Variants in PTPRD observed in about 807,000 individuals in gnomAD.
PTPRD encodes the protein protein tyrosine phosphatase receptor type D.
A neutral mutation model predicts 214.5 loss-of-function variants in PTPRD; 34 were observed. That is an observed-to-expected ratio of 0.16 (90% CI 0.12 to 0.21). The LOEUF (loss-of-function observed/expected upper bound fraction) is 0.21. Ranked by LOEUF, PTPRD falls within the 10% of genes least tolerant of loss-of-function variation. The pLI is 1.00. For synonymous variants in PTPRD, 1,128 were observed against 845.7 expected (o/e 1.33, Z -5.79); for missense variants, 2,545 against 2,398.7 (o/e 1.06, Z -1.27).
chr9:9,091,107 G>GCTACATTA (rs1430288596), intron 10 of PTPRD: 1 of 1,411,596 alleles, frequency 7.1e-7, no homozygotes, highest in Non-Finnish European at 9.9e-7. Context: ...TGTATGTGAA[G>GCTACATTA]CTACATTACT....
chr9:10,275,030 A>G (rs1323501), intron 3 of PTPRD, among the ~76,000 whole-genome samples: 130,782 of 152,080 alleles, frequency 0.86, 56,288 homozygotes, highest in East Asian at 0.96. Context: ...CAGTTAAGTA[A>G]AAGGGCTTGG....
intron 3 of PTPRD, among the ~76,000 whole-genome samples, chr9:10,040,693 T>C (rs998598257): frequency 1.3e-5 from 2 of 151,986 alleles, no homozygotes; most frequent in African/African-American, 4.8e-5. Context: ...TTTTCTTCCC[T>C]AGCAAGAAAA....
chr9:10,354,935 T>A (rs552465182), intron 2 of PTPRD, among the ~76,000 whole-genome samples: 1 of 152,344 alleles, frequency 6.6e-6, no homozygotes, highest in African/African-American at 2.4e-5. Flanking sequence ...TTGTCCTTGA[T>A]GAAAATATGC....
chr9:10,367,830 T>C (rs192317877), intron 2 of PTPRD, among the ~76,000 whole-genome samples: 303 of 152,250 alleles, frequency 2.0e-3, no homozygotes, highest in African/African-American at 6.0e-3. Context: ...TTGGAACTTG[T>C]AGGAAAGTAC....
At chr9:8,524,805 C>A (rs368094834) in intron 18 of PTPRD, 120 bp downstream of exon 18, 5 of 838,632 alleles carry the variant, frequency 6.0e-6, no homozygotes, top group African/African-American at 3.3e-5. Flanking sequence ...CATGTTTCAG[C>A]TACGGTCACT....
At chr9:9,444,109 T>C (rs546166846) in intron 8 of PTPRD, among the ~76,000 whole-genome samples, 35 of 152,192 alleles carry the variant, frequency 2.3e-4, no homozygotes, top group Non-Finnish European at 4.9e-4. Flanking sequence ...AACTTGAATT[T>C]ATTAAATTTT....
At chr9:10,387,144 T>G (rs1320472154) in intron 2 of PTPRD, among the ~76,000 whole-genome samples, 1 of 151,816 alleles carries the variant, frequency 6.6e-6, no homozygotes, top group African/African-American at 2.4e-5. Context: ...AGCCCAGTGA[T>G]TCCCATTGCT....
intron 11 of PTPRD, among the ~76,000 whole-genome samples, chr9:8,755,529 C>CAAA (rs1555277291): frequency 3.4e-5 from 3 of 88,520 alleles, no homozygotes; most frequent in Non-Finnish European, 5.5e-5. Flanking sequence ...AACTCTGTCT[C>CAAA]AAAAAAAAAA....
intron 2 of PTPRD, among the ~76,000 whole-genome samples, chr9:10,377,290 T>C (rs2097750305): frequency 6.6e-6 from 1 of 151,224 alleles, no homozygotes; most frequent in African/African-American, 2.4e-5. Flanking sequence ...ACATTTTCTT[T>C]TATTATTATT....
At chr9:10,434,880 T>A (rs1233949465) in intron 2 of PTPRD, among the ~76,000 whole-genome samples, 1 of 151,878 alleles carries the variant, frequency 6.6e-6, no homozygotes, top group African/African-American at 2.4e-5. Flanking sequence ...GTTAACATGA[T>A]GCTGCCCTTT....
chr9:8,324,211 A>C (rs1488379668), intron 44 of PTPRD, among the ~76,000 whole-genome samples: 2 of 151,756 alleles, frequency 1.3e-5, no homozygotes, highest in Non-Finnish European at 2.9e-5. Flanking sequence ...TCAACCCATC[A>C]TCTACATTAG....
intron 9 of PTPRD, among the ~76,000 whole-genome samples, chr9:9,392,942 G>A (rs1271087586): frequency 1.3e-5 from 2 of 152,146 alleles, no homozygotes; most frequent in African/African-American, 2.4e-5. Context: ...CTGCACACTG[G>A]GAGAATGGGG....
intron 3 of PTPRD, among the ~76,000 whole-genome samples, chr9:10,053,674 T>G (rs991387586): frequency 2.0e-5 from 3 of 152,194 alleles, no homozygotes; most frequent in African/African-American, 7.2e-5. Context: ...ACAGAATGCT[T>G]GATACATTTT....
At chr9:10,180,999 G>C (rs947665363) in intron 3 of PTPRD, among the ~76,000 whole-genome samples, 3 of 152,006 alleles carry the variant, frequency 2.0e-5, no homozygotes, top group South Asian at 4.1e-4. Flanking sequence ...ATTAAGAATA[G>C]CATCAGGATT....
intron 11 of PTPRD, among the ~76,000 whole-genome samples, chr9:8,831,134 G>C (rs1005120593): frequency 2.0e-5 from 3 of 152,066 alleles, no homozygotes; most frequent in Non-Finnish European, 4.4e-5. Context: ...CTCAGGAAAA[G>C]GGTTTTGTTT....
At chr9:10,597,216 T>C (rs2133188608) in intron 2 of PTPRD, among the ~76,000 whole-genome samples, 1 of 151,782 alleles carries the variant, frequency 6.6e-6, no homozygotes, top group East Asian at 1.9e-4. Context: ...AAACAATTTC[T>C]CTCCAAAATA....
intron 11 of PTPRD, among the ~76,000 whole-genome samples, chr9:8,916,544 T>A (rs1352546143): frequency 2.0e-5 from 3 of 152,138 alleles, no homozygotes; most frequent in Non-Finnish European, 4.4e-5. Flanking sequence ...TAGAGAGGCC[T>A]TTTAGAAAAG....
At chr9:9,977,198 C>T (rs983520338) in intron 4 of PTPRD, among the ~76,000 whole-genome samples, 1 of 152,184 alleles carries the variant, frequency 6.6e-6, no homozygotes, top group African/African-American at 2.4e-5. Context: ...ATTCCCAGCT[C>T]TGCTACTATT....
chr9:9,347,334 A>C (rs1050383464), intron 9 of PTPRD, among the ~76,000 whole-genome samples: 3 of 149,966 alleles, frequency 2.0e-5, no homozygotes, highest in Admixed American at 6.7e-5. Context: ...ATATATATAT[A>C]TCTATATATC....
Sources: allele counts gnomAD v4.1 joint callset (sites outside exome capture counted in the v4.1 genomes callset), GRCh38; gene constraint gnomAD v4.1.1; transcripts MANE v1.5; gene names NCBI Gene and HGNC (gene_info 2026-07-23, HGNC 2026-07-21).